The following SLC38A6 variants were observed in gnomAD, a reference collection of about 807,000 sequenced individuals.
The protein encoded by SLC38A6 is solute carrier family 38 member 6, also known as N system amino acid transporter NAT-1.
In SLC38A6, 73 loss-of-function variants were observed where a neutral mutation model predicts 65.0. The observed-to-expected ratio is 1.12, with a 90% confidence interval of 0.93 to 1.37. The LOEUF is 1.37. Ranked by LOEUF, SLC38A6 falls within the 40% of genes most tolerant of loss-of-function variation. The pLI is 0.00. For missense variants in SLC38A6, 561 were observed against 531.1 expected (o/e 1.06, Z -0.55); for synonymous variants, 183 against 178.8 (o/e 1.02, Z -0.19).
At chr14:61,030,946 C>T (rs2040947887) in intron 6 of SLC38A6, 1 of 152,678 alleles carries the variant, frequency 6.5e-6, no homozygotes, top group South Asian at 2.1e-4. Flanking sequence ...CATTTCTCAG[C>T]AAATCATAGT....
At chr14:61,065,073 G>C (rs933770705) in intron 15 of SLC38A6, among the ~76,000 whole-genome samples, 7 of 152,108 alleles carry the variant, frequency 4.6e-5, no homozygotes, top group African/African-American at 1.7e-4. Flanking sequence ...TTTACTGTGT[G>C]AAGGCCCTTT....
intron 5 of SLC38A6, among the ~76,000 whole-genome samples, chr14:61,028,380 C>G (rs1270081857): frequency 6.6e-6 from 1 of 152,036 alleles, no homozygotes; most frequent in African/African-American, 2.4e-5. Context: ...TTCTGTCTCT[C>G]TCACAAGATA....
At chr14:61,035,705 C>A (rs1478780153) in intron 6 of SLC38A6, among the ~76,000 whole-genome samples, 1 of 152,154 alleles carries the variant, frequency 6.6e-6, no homozygotes, top group African/African-American at 2.4e-5. Context: ...CTCATTATTT[C>A]TTTAATTAGC....
intron 3 of SLC38A6, among the ~76,000 whole-genome samples, chr14:61,013,758 T>A (rs1318748769): frequency 6.6e-6 from 1 of 152,258 alleles, no homozygotes; most frequent in African/African-American, 2.4e-5. Flanking sequence ...AGATCAGCTG[T>A]TAGTCTGATG....
At chr14:61,029,468 C>T (rs1329151750) in intron 5 of SLC38A6, among the ~76,000 whole-genome samples, 1 of 152,148 alleles carries the variant, frequency 6.6e-6, no homozygotes, top group Non-Finnish European at 1.5e-5. Context: ...CACATACACA[C>T]AAACATAATC....
At position 61,050,616 on chromosome 14, in the gene SLC38A6, GTCCCTCTAATCCACT is replaced by G. The variant is rs2042453946; in HGVS notation, c.1036_1050del (p.Leu346_Pro350del). ...CATACTATTTGCTGTGCTTTTGACA[GTCCCTCTAATCCACT>G]TCCCTGTAAGTACTCTTAAAGGGTT... On this transcript the variant is annotated inframe_deletion, in exon 13 of 16. Transcript: ENST00000267488. 6.3e-7 allele frequency: 1 copy of G among 1,585,948 alleles called. No individual in the cohort carries two copies.
chr14:61,031,962 G>A (rs1458981315), intron 6 of SLC38A6, among the ~76,000 whole-genome samples: 4 of 151,530 alleles, frequency 2.6e-5, no homozygotes, highest in Non-Finnish European at 4.4e-5. Context: ...ATATAATGGG[G>A]GTACCAATAT....
intron 3 of SLC38A6, among the ~76,000 whole-genome samples, chr14:61,005,594 A>G (rs570965649): frequency 6.6e-5 from 10 of 152,206 alleles, no homozygotes; most frequent in African/African-American, 1.9e-4. Flanking sequence ...TGCTTCAAAG[A>G]GAATAAAGTA....
chr14:61,051,840 T>G lies in SLC38A6; in HGVS notation c.1104T>G (p.Ile368Met), dbSNP rs2042521741. 6.2e-7 allele frequency: 1 copy of G among 1,612,716 alleles called. No homozygotes were observed. Among genetic ancestry groups the G allele is most frequent in the Middle Eastern group, 1.7e-4 (1 of 6,050 alleles). ...TCTCCAATTTTCCATTCTCATGGAT[T>G]CGCCATTTTTTGATCACTCTAGCAC... ...MFFSNFPFSW[I>M]RHFLITLALN... Residue 368 changes from isoleucine (I) to methionine (M), a missense_variant, in exon 14 of 16, where the codon ATT (isoleucine) becomes ATG (methionine). Transcript: ENST00000267488.
At chr14:60,993,783 G>A (rs779686694) in intron 3 of SLC38A6, among the ~76,000 whole-genome samples, 3 of 152,102 alleles carry the variant, frequency 2.0e-5, no homozygotes, top group East Asian at 1.9e-4. Context: ...TCACACTTAC[G>A]TCAAGAAATA....
intron 3 of SLC38A6, among the ~76,000 whole-genome samples, chr14:60,991,114 A>C (rs1046856272): frequency 6.6e-6 from 1 of 152,184 alleles, no homozygotes; most frequent in African/African-American, 2.4e-5. Flanking sequence ...GTCTATTCTT[A>C]ACAAAACAAC....
At chr14:61,071,942 C>T (rs1367804657) in intron 15 of SLC38A6, among the ~76,000 whole-genome samples, 1 of 151,932 alleles carries the variant, frequency 6.6e-6, no homozygotes, top group Admixed American at 6.6e-5. Context: ...CTGATGAGTC[C>T]CATGTGAGAA....
At chr14:61,043,693 CTTTTTTTTTTT>C (rs34559752) in intron 10 of SLC38A6, among the ~76,000 whole-genome samples, 190 bp downstream of exon 10, 4 of 107,348 alleles carry the variant, frequency 3.7e-5, no homozygotes, top group African/African-American at 1.1e-4. Context: ...AAACAGCCAC[CTTTTTTTTTTT>C]TTTTTTTTTT....
chr14:60,982,475 A>T (rs772067760), intron 1 of SLC38A6, 33 bp from the exon 2 acceptor site: 2 of 1,585,622 alleles, frequency 1.3e-6, no homozygotes, highest in East Asian at 4.5e-5. Flanking sequence ...CACCGTCCAA[A>T]CATTTAACAC....
intron 15 of SLC38A6, among the ~76,000 whole-genome samples, chr14:61,060,864 G>A (rs1384443313): frequency 1.5e-5 from 2 of 129,742 alleles, no homozygotes; most frequent in Non-Finnish European, 3.3e-5. Context: ...CGCAATATTC[G>A]GGTGGGAGTG....
At chr14:61,081,034 C>G (rs998624971) in intron 16 of SLC38A6, among the ~76,000 whole-genome samples, 3 of 152,138 alleles carry the variant, frequency 2.0e-5, no homozygotes, top group Non-Finnish European at 4.4e-5. Context: ...ATGAGGTAAT[C>G]CCAGGCACTA....
chr14:61,003,575 G>C (rs1242078377), intron 3 of SLC38A6, among the ~76,000 whole-genome samples: 1 of 152,104 alleles, frequency 6.6e-6, no homozygotes, highest in Non-Finnish European at 1.5e-5. Flanking sequence ...AGTTTACACT[G>C]TTTTCAGCAT....
intron 3 of SLC38A6, among the ~76,000 whole-genome samples, chr14:61,010,640 A>C (rs1026820168): frequency 1.3e-5 from 2 of 152,198 alleles, no homozygotes; most frequent in African/African-American, 2.4e-5. Context: ...TAAATAGGGA[A>C]TCCTTTCCCC....
intron 15 of SLC38A6, among the ~76,000 whole-genome samples, chr14:61,060,893 G>C (rs7155305): frequency 7.1e-6 from 1 of 140,474 alleles, no homozygotes; most frequent in East Asian, 2.1e-4. Flanking sequence ...TTCCAGGTGC[G>C]TCCGTCACCC....
Sources: allele counts gnomAD v4.1 joint callset (sites outside exome capture counted in the v4.1 genomes callset), GRCh38; gene constraint gnomAD v4.1.1; transcripts MANE v1.5; gene names NCBI Gene and HGNC (gene_info 2026-07-23, HGNC 2026-07-21).